Variants in CLSTN1 observed in about 807,000 individuals in gnomAD.
CLSTN1 encodes calsyntenin 1.
In CLSTN1, 28 loss-of-function variants were observed where a neutral mutation model predicts 108.3. The ratio of observed to expected loss-of-function variants is 0.26; its 90% CI spans 0.19 to 0.35. CLSTN1 has a LOEUF of 0.35. Among genes scored for constraint, CLSTN1 ranks in the 10% least tolerant of loss-of-function variants. CLSTN1 has a pLI of 1.00. For missense variants in CLSTN1, 1,157 were observed against 1,302.6 expected (o/e 0.89, Z 1.72); for synonymous variants, 524 against 534.9 (o/e 0.98, Z 0.28).
intron 4 of CLSTN1, among the ~76,000 whole-genome samples, chr1:9,754,578 GC>G (rs1358590883): frequency 2.0e-5 from 3 of 151,466 alleles, no homozygotes; most frequent in Non-Finnish European, 4.4e-5. Flanking sequence ...ACACAAAAAG[GC>G]CAGGTACGGC....
intron 3 of CLSTN1, 26 bp downstream of exon 3, chr1:9,756,455 G>A (rs1020690989): frequency 1.9e-6 from 3 of 1,601,592 alleles, no homozygotes; most frequent in Non-Finnish European, 2.6e-6. Context: ...ATATTCATAA[G>A]AGGGGAAGAA....
intron 17 of CLSTN1, 89 bp from the exon 18 acceptor site, chr1:9,731,479 C>T (rs566099793): frequency 3.9e-5 from 54 of 1,377,900 alleles, no homozygotes; most frequent in East Asian, 7.2e-5. Context: ...CTGGTCAAAA[C>T]GGGCTGGACA....
chr1:9,744,302 C>G, intron 8 of CLSTN1, 93 bp downstream of exon 8: 1 of 1,503,712 alleles, frequency 6.7e-7, no homozygotes, highest in Non-Finnish European at 8.9e-7. Context: ...ACCAGGCTGG[C>G]AGGGGACCCT....
intron 2 of CLSTN1, among the ~76,000 whole-genome samples, chr1:9,772,572 G>A (rs1336945325): frequency 6.6e-6 from 1 of 152,164 alleles, no homozygotes; most frequent in East Asian, 1.9e-4. Context: ...AGGTGGCGCA[G>A]CCCATTCTCT....
At chr1:9,820,603 G>C (rs1227043667) in intron 1 of CLSTN1, among the ~76,000 whole-genome samples, 1 of 152,084 alleles carries the variant, frequency 6.6e-6, no homozygotes, top group East Asian at 1.9e-4. Context: ...TCTGTAAAGT[G>C]AAAATTAGGA....
Position 9,741,224 on chromosome 1 carries a change from G to A in CLSTN1, c.1389C>T (p.Leu463=). 1 of 1,613,812 alleles carries A rather than the reference G, an allele frequency of 6.2e-7. No individual in the cohort carries two copies. Among genetic ancestry groups the A allele is most frequent in the Non-Finnish European group, 8.5e-7 (1 of 1,179,764 alleles). The change falls in exon 10 of 19, where the codon CTC becomes CTT. Residue 463 remains leucine, a synonymous_variant. Coordinates refer to ENST00000377298, the MANE Select transcript of CLSTN1 (RefSeq NM_001009566.3). The part of the protein sequence containing the change: ...VCDEEWHHYV[L]NVEFPSVTLY... ...GAGTCACACTCGGGAATTCTACATT[G>A]AGGACGTAGTGGTGCCATTCCTCAT...
At chr1:9,817,236 C>T (rs1570529758) in intron 1 of CLSTN1, among the ~76,000 whole-genome samples, 1 of 152,084 alleles carries the variant, frequency 6.6e-6, no homozygotes, top group African/African-American at 2.4e-5. Flanking sequence ...TCATGTCTGA[C>T]CAAAGAAGTA....
Position 9,729,027 on chromosome 1 carries a change from T to G in CLSTN1, c.*1481A>C, listed in dbSNP as rs912811973. On this transcript the variant is annotated 3_prime_UTR_variant, in exon 19 of 19. Transcript: ENST00000377298. ...AGACAAACCCCGCTCCGGCTGGAGT[T>G]AGTTAGAACCAGAACTTTATTGTAG... 5.3e-5 allele frequency: 8 copies of G among 152,102 alleles called. No individual in the cohort carries two copies. The highest frequency in any genetic ancestry group is 3.8e-4 in the East Asian group (2 of 5,196). 9.4% of individuals were successfully genotyped at this position (152,102 alleles called of 1,614,324 possible). A position where few individuals can be genotyped will look rare whatever the true frequency, so the allele number is the denominator to read the frequency against.
intron 1 of CLSTN1, among the ~76,000 whole-genome samples, chr1:9,789,041 TAGA>T (rs1323958784): frequency 6.6e-6 from 1 of 151,448 alleles, no homozygotes; most frequent in Non-Finnish European, 1.5e-5. Flanking sequence ...GATGTTCCGT[TAGA>T]AGGATACCAT....
intron 1 of CLSTN1, among the ~76,000 whole-genome samples, chr1:9,796,978 G>A (rs1393299081): frequency 6.6e-6 from 1 of 152,146 alleles, no homozygotes; most frequent in Admixed American, 6.6e-5. Context: ...ACTCACACTA[G>A]AACAAAACAT....
At chr1:9,794,738 CTTCT>C (rs1276386108) in intron 1 of CLSTN1, among the ~76,000 whole-genome samples, 2 of 151,426 alleles carry the variant, frequency 1.3e-5, no homozygotes, top group South Asian at 2.2e-4. Context: ...CCTTTTCTTT[CTTCT>C]TTATCATGAT....
At chr1:9,783,825 T>C (rs1653359604) in intron 1 of CLSTN1, among the ~76,000 whole-genome samples, 1 of 152,112 alleles carries the variant, frequency 6.6e-6, no homozygotes, top group Non-Finnish European at 1.5e-5. Flanking sequence ...AAACCCTGTC[T>C]CTACTAAAAA....
chr1:9,782,309 C>A (rs1322460791), intron 1 of CLSTN1, among the ~76,000 whole-genome samples: 1 of 151,904 alleles, frequency 6.6e-6, no homozygotes, highest in African/African-American at 2.4e-5. Flanking sequence ...TAAATGGAGG[C>A]CTAAAAAAAT....
rs747116115 is a variant in CLSTN1 at position 9,735,181 on chromosome 1, G to A, written c.1884-7C>T. On this transcript the variant is annotated splice_region_variant and splice_polypyrimidine_tract_variant and intron_variant, in intron 13 of 18. Transcript: ENST00000377298. Reference sequence around the variant, plus strand: ...GGTGGCCTCGTTAAAACACCTGCCAGCAAGAAATGGGGAAGGGTCAGGGCT... The same window carrying A: ...GGTGGCCTCGTTAAAACACCTGCCAACAAGAAATGGGGAAGGGTCAGGGCT... 8.1e-6 allele frequency: 13 copies of A among 1,613,200 alleles called. No homozygotes were observed. The highest frequency in any genetic ancestry group is 8.5e-6 in the Non-Finnish European group (10 of 1,179,314).
intron 2 of CLSTN1, among the ~76,000 whole-genome samples, chr1:9,761,782 C>A (rs1423183397): frequency 6.6e-6 from 1 of 152,194 alleles, no homozygotes; most frequent in East Asian, 1.9e-4. Context: ...CCTTATATTG[C>A]AAATGTTTCC....
At chr1:9,798,621 A>G (rs1314688069) in intron 1 of CLSTN1, among the ~76,000 whole-genome samples, 1 of 152,198 alleles carries the variant, frequency 6.6e-6, no homozygotes, top group South Asian at 2.1e-4. Flanking sequence ...TTTAATGGGC[A>G]TGAGGTTTTC....
chr1:9,788,980 G>C (rs1447821915), intron 1 of CLSTN1, among the ~76,000 whole-genome samples: 1 of 151,032 alleles, frequency 6.6e-6, no homozygotes, highest in Non-Finnish European at 1.5e-5. Context: ...TAATGTCCTC[G>C]AGGTGCCCCC....
intron 1 of CLSTN1, among the ~76,000 whole-genome samples, chr1:9,778,727 A>C (rs78636181): frequency 1.3e-5 from 2 of 152,100 alleles, no homozygotes; most frequent in Non-Finnish European, 2.9e-5. Flanking sequence ...TAAGAAGAGA[A>C]TAAGGGGCCG....
At chr1:9,802,184 T>C (rs1363937349) in intron 1 of CLSTN1, among the ~76,000 whole-genome samples, 2 of 152,204 alleles carry the variant, frequency 1.3e-5, no homozygotes, top group Non-Finnish European at 2.9e-5. Flanking sequence ...TTCATGCTCA[T>C]AACTGCTCCA....
Sources: allele counts gnomAD v4.1 joint callset (sites outside exome capture counted in the v4.1 genomes callset), GRCh38; gene constraint gnomAD v4.1.1; transcripts MANE v1.5; gene names NCBI Gene and HGNC (gene_info 2026-07-23, HGNC 2026-07-21).